Variants in CTNNA2 observed in about 807,000 individuals in gnomAD.
The protein encoded by CTNNA2 is catenin alpha-2.
CTNNA2 carries 42 observed loss-of-function variants against 101.0 expected under a neutral mutation model. The ratio of observed to expected loss-of-function variants is 0.42; its 90% confidence interval spans 0.32 to 0.54. The LOEUF (loss-of-function observed/expected upper bound fraction) is 0.54, where lower values mean the gene tolerates loss of function less well. CTNNA2 is among the 20% of genes least tolerant of loss of function. The pLI is 0.14. For missense variants in CTNNA2, 871 were observed against 1,223.1 expected (o/e 0.71, Z 4.29); for synonymous variants, 450 against 456.4 (o/e 0.99, Z 0.18).
chr2:80,040,489 C>G (rs1449629549), intron 7 of CTNNA2, among the ~76,000 whole-genome samples: 1 of 152,174 alleles, frequency 6.6e-6, no homozygotes, highest in Admixed American at 6.5e-5. Context: ...TTTGGCGATG[C>G]AGTTTTTAAA....
At chr2:79,343,486 C>T (rs1677184606) in intron 3 of CTNNA2, among the ~76,000 whole-genome samples, 1 of 152,152 alleles carries the variant, frequency 6.6e-6, no homozygotes, top group Middle Eastern at 3.2e-3. Context: ...ATGTGCCCCA[C>T]ATTCTTTTAA....
intron 13 of CTNNA2, among the ~76,000 whole-genome samples, chr2:80,580,809 G>A (rs1373665511): frequency 6.6e-6 from 1 of 152,134 alleles, no homozygotes; most frequent in Non-Finnish European, 1.5e-5. Flanking sequence ...CAGGCCAGGA[G>A]TTCCAGACCA....
At chr2:80,365,695 T>C (rs544916862) in intron 7 of CTNNA2, among the ~76,000 whole-genome samples, 10 of 152,310 alleles carry the variant, frequency 6.6e-5, no homozygotes, top group African/African-American at 2.4e-4. Context: ...AACATAAGAT[T>C]GTGTAACTGT....
chr2:80,404,361 AT>A (rs1678860835), intron 8 of CTNNA2, among the ~76,000 whole-genome samples: 1 of 151,692 alleles, frequency 6.6e-6, no homozygotes, highest in Non-Finnish European at 1.5e-5. Flanking sequence ...GGATTTGTTG[AT>A]TTTCCCATTA....
At chr2:79,555,066 C>G (rs1004588010) in intron 1 of CTNNA2, among the ~76,000 whole-genome samples, 1 of 152,162 alleles carries the variant, frequency 6.6e-6, no homozygotes, top group Non-Finnish European at 1.5e-5. Context: ...GAATTAGGAG[C>G]AGATTTCACA....
intron 3 of CTNNA2, among the ~76,000 whole-genome samples, chr2:79,744,994 T>C (rs1671542602): frequency 6.6e-6 from 1 of 152,146 alleles, no homozygotes; most frequent in Non-Finnish European, 1.5e-5. Context: ...AGTCTCAAAT[T>C]CATGTTTTCA....
chr2:80,357,592 T>G (rs184623641), intron 7 of CTNNA2, among the ~76,000 whole-genome samples: 5 of 152,192 alleles, frequency 3.3e-5, no homozygotes, highest in African/African-American at 2.4e-5. Flanking sequence ...CAATGATGTG[T>G]GGCAGAATAT....
At chr2:79,814,629 A>G (rs548769103) in intron 3 of CTNNA2, among the ~76,000 whole-genome samples, 333 of 146,172 alleles carry the variant, frequency 2.3e-3, no homozygotes, top group African/African-American at 8.6e-3. Flanking sequence ...ACACACACAC[A>G]CACACACACA....
intron 7 of CTNNA2, among the ~76,000 whole-genome samples, chr2:80,300,898 G>A (rs1676228311): frequency 6.6e-6 from 1 of 151,394 alleles, no homozygotes; most frequent in African/African-American, 2.4e-5. Flanking sequence ...CTCAATGATG[G>A]ACCTGGAAAC....
intron 3 of CTNNA2, among the ~76,000 whole-genome samples, chr2:79,768,380 G>A (rs778888120): frequency 2.6e-5 from 4 of 151,002 alleles, no homozygotes; most frequent in Admixed American, 6.6e-5. Flanking sequence ...CAGTGATACC[G>A]TGTTAAAACC....
At chr2:80,428,915 C>T (rs577142936) in intron 9 of CTNNA2, among the ~76,000 whole-genome samples, 4 of 152,138 alleles carry the variant, frequency 2.6e-5, no homozygotes, top group African/African-American at 9.6e-5. Flanking sequence ...TATTTTCATA[C>T]CCCTTTTTCT....
chr2:79,483,171 G>T (rs1418025256), intron 4 of CTNNA2, among the ~76,000 whole-genome samples: 1 of 152,176 alleles, frequency 6.6e-6, no homozygotes, highest in Non-Finnish European at 1.5e-5. Context: ...ATCACCAGTT[G>T]ACATGACACA....
At chr2:80,399,680 C>T (rs961729904) in intron 8 of CTNNA2, among the ~76,000 whole-genome samples, 1 of 152,130 alleles carries the variant, frequency 6.6e-6, no homozygotes, top group South Asian at 2.1e-4. Flanking sequence ...GACTGAGCCC[C>T]AAAACACCTT....
intron 1 of CTNNA2, among the ~76,000 whole-genome samples, chr2:79,549,692 G>A (rs1673968470): frequency 6.6e-6 from 1 of 152,092 alleles, no homozygotes; most frequent in Non-Finnish European, 1.5e-5. Context: ...ATTACTACTT[G>A]GTTAAGTTTG....
chr2:80,499,932 CAA>C (rs35267780), intron 9 of CTNNA2, among the ~76,000 whole-genome samples: 57 of 80,230 alleles, frequency 7.1e-4, no homozygotes, highest in African/African-American at 8.8e-4. Context: ...AAACGTTCTA[CAA>C]AAAAAAAAAA....
At chr2:80,190,137 A>G (rs2148996027) in intron 7 of CTNNA2, among the ~76,000 whole-genome samples, 1 of 152,058 alleles carries the variant, frequency 6.6e-6, no homozygotes, top group South Asian at 2.1e-4. Flanking sequence ...ATAGGGGTTA[A>G]TGAGGTTAAC....
intron 6 of CTNNA2, among the ~76,000 whole-genome samples, chr2:79,890,916 G>A (rs946642400): frequency 2.1e-5 from 3 of 143,938 alleles, no homozygotes; most frequent in Non-Finnish European, 4.5e-5. Flanking sequence ...GGGGCAGGGA[G>A]CCCCTCAAGC....
At chr2:79,228,272 A>G (rs1241935111) in intron 2 of CTNNA2, among the ~76,000 whole-genome samples, 2 of 152,190 alleles carry the variant, frequency 1.3e-5, no homozygotes, top group African/African-American at 4.8e-5. Context: ...ATATCCTAGT[A>G]GTGGAATTGC....
chr2:80,215,014 C>T (rs979037908), intron 7 of CTNNA2, among the ~76,000 whole-genome samples: 6 of 152,174 alleles, frequency 3.9e-5, no homozygotes, highest in Non-Finnish European at 7.3e-5. Context: ...ATTTAACCTT[C>T]AATCACTGAT....
Sources: allele counts gnomAD v4.1 joint callset (sites outside exome capture counted in the v4.1 genomes callset), GRCh38; gene constraint gnomAD v4.1.1; transcripts MANE v1.5; gene names NCBI Gene and HGNC (gene_info 2026-07-23, HGNC 2026-07-21).